Variants in TRPV6 observed in about 807,000 individuals in gnomAD.
The protein encoded by TRPV6 is transient receptor potential cation channel subfamily V member 6, also known as Alu-binding protein with zinc finger domain.
A neutral mutation model predicts 79.0 loss-of-function variants in TRPV6; 39 were observed. That is an observed-to-expected ratio of 0.49 (90% CI 0.38 to 0.64). The LOEUF (loss-of-function observed/expected upper bound fraction) is 0.64, where lower values mean the gene tolerates loss of function less well. TRPV6 is among the 30% of genes least tolerant of loss of function. TRPV6 has a pLI of 0.00. For synonymous variants in TRPV6, 373 were observed against 391.9 expected, an observed-to-expected ratio of 0.95 and a Z score of 0.57; for missense variants, 813 against 1,011.1, an observed-to-expected ratio of 0.80 and a Z score of 2.66.
rs762110604 is a variant in TRPV6, at chr7:142,877,262, T to C, written c.487A>G (p.Ile163Val). ...TTCATGTTCTGGTTCACAACAGCGA[T>C]GTGCAGTGCAGTCTGACCTGGCCCA... Residue 163 changes from isoleucine (I) to valine (V), a missense_variant, in exon 4 of 15, where the codon ATC becomes GTC. This residue lies in a region of TRPV6 where 555 missense variants were observed against 631.0 expected (regional missense o/e 0.88). Transcript: ENST00000359396. 3 of 1,614,186 alleles carry C rather than the reference T, an allele frequency of 1.9e-6. No individual in the cohort carries two copies. The highest frequency in any genetic ancestry group is 1.7e-6 in the Non-Finnish European group (2 of 1,180,010).
At chr7:142,876,902 C>A in intron 4 of TRPV6, 65 bp from the exon 5 acceptor site, 2 of 1,584,608 alleles carry the variant, frequency 1.3e-6, no homozygotes, top group East Asian at 4.6e-5. Context: ...GACAGTCTCC[C>A]CCAAGTGACA....
Position 142,877,684 on chromosome 7 carries a change from C to T in TRPV6, c.436G>A (p.Val146Ile), listed in dbSNP as rs1795105469. The T allele has an allele frequency of 3.1e-6, 5 of 1,614,052 alleles. No individual in the cohort carries two copies. In the South Asian group the frequency reaches 4.4e-5, roughly 14 times the overall value. ...AGCTCAGATGTCATGGGCTCAAAGA[C>T]CAGCTCCGGGGCAGCCTCCATCAGC... The change falls in exon 3 of 15, where the codon GTC becomes ATC. Residue 146 changes from valine (V) to isoleucine (I), a missense_variant. By Grantham distance (29) the Val-to-Ile change is conservative. Coordinates refer to ENST00000359396, the MANE Select transcript of TRPV6 (RefSeq NM_018646.6).
At chr7:142,876,604 CAT>C (rs1351320828) in intron 5 of TRPV6, 21 bp from the exon 6 acceptor site, 2 of 1,613,582 alleles carry the variant, frequency 1.2e-6, no homozygotes, top group Non-Finnish European at 1.7e-6. Context: ...CACAGGGTAT[CAT>C]GTGGCCACTG....
chr7:142,876,644 C>T, intron 5 of TRPV6, 61 bp from the exon 6 acceptor site: 1 of 1,612,178 alleles, frequency 6.2e-7, no homozygotes, highest in Non-Finnish European at 8.5e-7. Flanking sequence ...TCCCCATCCC[C>T]ACCCTGAGGT....
Position 142,871,920 on chromosome 7 carries a change from G to C in TRPV6, c.2085C>G (p.Gly695=), listed in dbSNP as rs1014387712. 1.4e-5 allele frequency: 22 copies of C among 1,614,030 alleles called. No homozygotes were observed. The highest frequency in any genetic ancestry group is 1.9e-5 in the Non-Finnish European group (22 of 1,180,000). ...CTGAGTCTTTGTCCAAATCCTCAGAGCCCCGGGTGTGGAAGGCCTGTGCGT... is the reference window on the plus strand; with the variant it reads ...CTGAGTCTTTGTCCAAATCCTCAGACCCCCGGGTGTGGAAGGCCTGTGCGT... The change falls in exon 15 of 15, where the codon GGC becomes GGG. Residue 695 remains glycine, a synonymous_variant. Transcript: ENST00000359396.
chr7:142,883,409 C>CA (rs1156978465), intron 1 of TRPV6: 1 of 152,328 alleles, frequency 6.6e-6, no homozygotes, highest in Non-Finnish European at 1.5e-5. Context: ...CACGCAATCC[C>CA]ACCCCACAGT....
At chr7:142,877,908 T>C (rs1795112030) in intron 2 of TRPV6, 21 bp downstream of exon 2, 1 of 1,613,876 alleles carries the variant, frequency 6.2e-7, no homozygotes, top group African/African-American at 1.3e-5. Flanking sequence ...TAGGAGATCA[T>C]GCTGCATTTG....
chr7:142,884,835 G>A (rs1178388396), intron 1 of TRPV6: 1 of 152,274 alleles, frequency 6.6e-6, no homozygotes, highest in Non-Finnish European at 1.5e-5. Context: ...TGGGCAAATA[G>A]TAAGGCCTTG....
In TRPV6 at chr7:142,873,147, A is replaced by G. The variant is rs1206246257; in HGVS notation, c.1908+301T>C. Reference sequence around the variant, plus strand: ...TACTCCAGTTTTTATTTGGGAACAAAATGTACTGAGTGCAATTTTAGCCAA... The same window carrying G: ...TACTCCAGTTTTTATTTGGGAACAAGATGTACTGAGTGCAATTTTAGCCAA... On this transcript the variant is annotated intron_variant, in intron 13 of 14. Coordinates refer to ENST00000359396, the MANE Select transcript of TRPV6 (RefSeq NM_018646.6). This position sits in a 1 kb window ranked among gnomAD's most constrained non-coding sequence, Gnocchi z 4.8. Among the ~76,000 whole-genome samples the G allele has an allele frequency of 6.6e-6, 1 of 152,214 alleles. No individual in the cohort carries two copies. Among genetic ancestry groups the G allele is most frequent in the Non-Finnish European group, 1.5e-5 (1 of 68,044 alleles).
intron 1 of TRPV6, 25 bp downstream of exon 1, chr7:142,885,364 A>C: frequency 3.1e-6 from 5 of 1,595,994 alleles, no homozygotes; most frequent in Non-Finnish European, 4.3e-6. Flanking sequence ...GAGGTGGGGA[A>C]GGGAGCAGAC....
chr7:142,871,608 G>A lies in TRPV6; in HGVS notation c.*99C>T. The A allele has an allele frequency of 7.1e-7, 1 of 1,407,134 alleles. No individual in the cohort carries two copies. 87.2% of individuals were successfully genotyped at this position (1,407,134 alleles called of 1,614,324 possible). On this transcript the variant is annotated 3_prime_UTR_variant, in exon 15 of 15. Transcript: ENST00000359396. ...CATGCTACTCCTCTTTCTCCCCTGG[G>A]GCCTGGGAGATGAGACCTCTGGGTG...
At chr7:142,875,419 A>T (rs368178257) in intron 8 of TRPV6, 49 bp downstream of exon 8, 5 of 1,505,296 alleles carry the variant, frequency 3.3e-6, no homozygotes, top group Non-Finnish European at 4.4e-6. Context: ...GTCTCTGAGG[A>T]CAGAGAGCCA....
At chr7:142,872,290 C>T in intron 14 of TRPV6, 82 bp downstream of exon 14, 1 of 1,454,232 alleles carries the variant, frequency 6.9e-7, no homozygotes, top group Non-Finnish European at 9.5e-7. Context: ...ACAGGGAACC[C>T]AGGAGCCGGA....
chr7:142,873,404 AG>A lies in TRPV6; in HGVS notation c.1908+43del. On this transcript the variant is annotated intron_variant, in intron 13 of 14. Coordinates refer to ENST00000359396, the MANE Select transcript of TRPV6 (RefSeq NM_018646.6). The surrounding 1 kb of genome is among the most constrained non-coding windows in gnomAD (Gnocchi z 4.8). Reference sequence around the variant, plus strand: ...CAGCTTGGCAGGTTCCTTGGTAGGAAGGGGATGACTTGCCCTAACCCTCCCT... The same window carrying A: ...CAGCTTGGCAGGTTCCTTGGTAGGAAGGGATGACTTGCCCTAACCCTCCCT... 1.2e-6 allele frequency: 2 copies of A among 1,602,412 alleles called. No individual in the cohort carries two copies. Among genetic ancestry groups the A allele is most frequent in the Admixed American group, 3.3e-5 (2 of 59,846 alleles).
At position 142,875,794 on chromosome 7, in the gene TRPV6, G is replaced by A. The variant is rs1795053837; in HGVS notation, c.993C>T (p.Ser331=). Reference sequence around the variant, plus strand: ...TGGTGGTGATGATAAGTTCCAGCAGGGACTGCTCATCCCCTGAGGAGTCGA... The same window carrying A: ...TGGTGGTGATGATAAGTTCCAGCAGAGACTGCTCATCCCCTGAGGAGTCGA... Residue 331 remains serine, a synonymous_variant, in exon 7 of 15, where the codon TCC becomes TCT. Transcript: ENST00000359396. The A allele has an allele frequency of 6.2e-7, 1 of 1,610,478 alleles. No individual in the cohort carries two copies. Among genetic ancestry groups the A allele is most frequent in the Non-Finnish European group, 8.5e-7 (1 of 1,178,060 alleles).
chr7:142,876,199 A>G, intron 6 of TRPV6: 1 of 803,666 alleles, frequency 1.2e-6, no homozygotes, highest in Non-Finnish European at 1.9e-6. Context: ...CTAGCATGGG[A>G]TCTAGACTCT....
In TRPV6 at chr7:142,876,462, G is replaced by A. The variant is rs1265366255; in HGVS notation, c.828C>T (p.Pro276=). 1.9e-6 allele frequency: 3 copies of A among 1,614,026 alleles called. No individual in the cohort carries two copies. In the African/African-American group the frequency reaches 4.0e-5, roughly 22 times the overall value. Reference sequence around the variant, plus strand: ...TGAAAGGGGTGAGACCCTGGTGATTGGGCACGAGGTCCAGGGGCTGCAGGT... The same window carrying A: ...TGAAAGGGGTGAGACCCTGGTGATTAGGCACGAGGTCCAGGGGCTGCAGGT... Residue 276 remains proline (P), a synonymous_variant, in exon 6 of 15, where the codon CCC becomes CCT. Coordinates refer to ENST00000359396, the MANE Select transcript of TRPV6 (RefSeq NM_018646.6).
chr7:142,877,384 G>C (rs1795098749), intron 3 of TRPV6, 105 bp from the exon 4 acceptor site: 1 of 1,542,216 alleles, frequency 6.5e-7, no homozygotes, highest in African/African-American at 1.4e-5. Context: ...GCCTGGGATG[G>C]AGAACAGGGA....
chr7:142,880,079 G>T (rs1795162045), intron 1 of TRPV6: 1 of 152,138 alleles, frequency 6.6e-6, no homozygotes, highest in Admixed American at 6.5e-5. Flanking sequence ...GCCAAAAGGT[G>T]GTTTGAATTA....
Sources: gnomAD v4.1 joint callset for allele counts (sites outside exome capture counted in the v4.1 genomes callset) on GRCh38, gnomAD v4.1.1 for gene constraint, gnomAD v4.1.1 regional missense constraint, Gnocchi (gnomAD v3.1) non-coding constraint, MANE v1.5 for transcripts, NCBI Gene and HGNC (gene_info 2026-07-23, HGNC 2026-07-21) for gene names.